KIAA2012: variants seen among roughly 807,000 people sequenced by gnomAD.
KIAA2012 encodes uncharacterized protein KIAA2012.
A neutral mutation model predicts 150.6 loss-of-function variants in KIAA2012; 125 were observed. The observed-to-expected ratio is 0.83, with a 90% CI of 0.72 to 0.96. KIAA2012 has a LOEUF of 0.96. KIAA2012 is among the 40% of genes least tolerant of loss of function. The pLI, the probability that KIAA2012 is intolerant of heterozygous loss-of-function variation, is 0.00. For missense variants in KIAA2012, 1,219 were observed against 1,354.9 expected (o/e 0.90, Z 1.57); for synonymous variants, 462 against 504.7 (o/e 0.92, Z 1.13).
chr2:202,170,844 A>G (rs1344798152), intron 15 of KIAA2012, among the ~76,000 whole-genome samples: 2 of 152,196 alleles, frequency 1.3e-5, no homozygotes. Flanking sequence ...GCACCAGGCT[A>G]TGCATTTTCT....
At chr2:202,145,354 G>A (rs1223419332) in intron 13 of KIAA2012, among the ~76,000 whole-genome samples, 1 of 152,090 alleles carries the variant, frequency 6.6e-6, no homozygotes, top group Non-Finnish European at 1.5e-5. Context: ...TCATCTTCTG[G>A]TTCAACCTTA....
At chr2:202,164,942 C>CTT (rs553724257) in intron 14 of KIAA2012, among the ~76,000 whole-genome samples, 7 of 147,416 alleles carry the variant, frequency 4.7e-5, no homozygotes, top group Admixed American at 2.0e-4. Context: ...CTGGCTTTTT[C>CTT]TTTTTTTTTT....
chr2:202,184,920 T>G, intron 16 of KIAA2012, 77 bp downstream of exon 16: 2 of 1,241,510 alleles, frequency 1.6e-6, no homozygotes, highest in Non-Finnish European at 1.1e-6. Flanking sequence ...TTAGTTTGGT[T>G]TTTTTTCAGA....
At chr2:202,134,327 C>CAAATA (rs1406681893) in intron 12 of KIAA2012, among the ~76,000 whole-genome samples, 1 of 152,046 alleles carries the variant, frequency 6.6e-6, no homozygotes, top group Non-Finnish European at 1.5e-5. Context: ...CCAACAGCTA[C>CAAATA]TGCCCTTGTA....
intron 14 of KIAA2012, among the ~76,000 whole-genome samples, chr2:202,164,309 G>A (rs941592328): frequency 3.9e-5 from 6 of 152,154 alleles, no homozygotes; most frequent in Non-Finnish European, 8.8e-5. Flanking sequence ...CTCAGTCCTG[G>A]CTGCATATCA....
At position 202,102,973 on chromosome 2, in the gene KIAA2012, A is replaced by G; in HGVS notation, c.1183A>G (p.Ile395Val). 3 of 1,550,458 alleles carry G rather than the reference A, an allele frequency of 1.9e-6. No individual in the cohort carries two copies. Among genetic ancestry groups the G allele is most frequent in the Non-Finnish European group, 1.7e-6 (2 of 1,146,946 alleles). Reference sequence around the variant, plus strand: ...ACCAAAGGCTTTGAAATTACCTCCTATCTCAGAAGAACCACCCAGAGTCTT... The same window carrying G: ...ACCAAAGGCTTTGAAATTACCTCCTGTCTCAGAAGAACCACCCAGAGTCTT... ...KAPKALKLPP[I>V]SEEPPRVLEP... Residue 395 changes from isoleucine to valine, a missense_variant, in exon 8 of 24, where the codon ATC becomes GTC. Transcript: ENST00000498697.
At chr2:202,103,190 A>G in intron 8 of KIAA2012, 76 bp downstream of exon 8, 1 of 1,399,540 alleles carries the variant, frequency 7.1e-7, no homozygotes, top group Non-Finnish European at 9.7e-7. Context: ...ATGCTCCTAC[A>G]TCATGGCTGA....
intron 14 of KIAA2012, among the ~76,000 whole-genome samples, chr2:202,161,179 T>C (rs967727948): frequency 6.6e-6 from 1 of 152,170 alleles, no homozygotes; most frequent in Non-Finnish European, 1.5e-5. Context: ...AGGACTTGAG[T>C]GCAGACAGCC....
In KIAA2012 at chr2:202,099,229, A is replaced by G. The variant is rs189452180; in HGVS notation, c.829-384A>G. 1.1e-4 allele frequency among the ~76,000 whole-genome samples: 16 copies of G among 152,264 alleles called. No individual in the cohort carries two copies. In the East Asian group the frequency reaches 3.1e-3, roughly 29 times the overall value. ...GGTCTCAAACTCCTGAGCTCAAGCA[A>G]TCCTCCTGCCTCGGCCTCCCAAAGT... is the stretch of plus-strand genomic sequence containing the variant. On this transcript the variant is annotated intron_variant, in intron 5 of 23. Transcript: ENST00000498697.
At chr2:202,145,125 G>A (rs1017590090) in intron 13 of KIAA2012, among the ~76,000 whole-genome samples, 4 of 151,930 alleles carry the variant, frequency 2.6e-5, no homozygotes, top group African/African-American at 4.8e-5. Context: ...AAGAGAATTC[G>A]CTTCTGCATT....
At chr2:202,193,729 C>T (rs1692360552) in intron 20 of KIAA2012, among the ~76,000 whole-genome samples, 1 of 152,204 alleles carries the variant, frequency 6.6e-6, no homozygotes. Flanking sequence ...GAATGTCACT[C>T]TCTTTCAAGT....
Position 202,109,597 on chromosome 2 carries a change from C to G in KIAA2012, c.1475-16C>G, listed in dbSNP as rs931148676. The G allele has an allele frequency of 2.0e-6, 3 of 1,509,024 alleles. No individual in the cohort carries two copies. The highest frequency in any genetic ancestry group is 8.8e-7 in the Non-Finnish European group (1 of 1,130,620). The allele number at this position is 1,509,024 out of a possible 1,614,324, so 93.5% of individuals were successfully genotyped here. ...CTGTTTTCTCACACAGGCTTTTTCCCCTTTTGTTTTTAAAGATGATGATGC... is the reference window on the plus strand; with the variant it reads ...CTGTTTTCTCACACAGGCTTTTTCCGCTTTTGTTTTTAAAGATGATGATGC... On this transcript the variant is annotated splice_polypyrimidine_tract_variant and intron_variant, in intron 9 of 23. Transcript: ENST00000498697.
At chr2:202,095,251 C>A (rs760194176) in intron 4 of KIAA2012, among the ~76,000 whole-genome samples, 1 of 152,106 alleles carries the variant, frequency 6.6e-6, no homozygotes, top group Non-Finnish European at 1.5e-5. Flanking sequence ...TAACTTGAAC[C>A]CTGACTGATG....
At chr2:202,077,529 T>C (rs1287344753) in intron 2 of KIAA2012, among the ~76,000 whole-genome samples, 5 of 152,182 alleles carry the variant, frequency 3.3e-5, no homozygotes, top group Admixed American at 3.3e-4. Flanking sequence ...ACAGAATATG[T>C]AGTCTAACTC....
chr2:202,183,606 C>T (rs931744672), intron 15 of KIAA2012, among the ~76,000 whole-genome samples: 1 of 151,042 alleles, frequency 6.6e-6, no homozygotes, highest in African/African-American at 2.4e-5. Context: ...CAGGTTCAAG[C>T]TATTCTCTTG....
At chr2:202,125,949 T>C in intron 12 of KIAA2012, 1 of 338,772 alleles carries the variant, frequency 3.0e-6, no homozygotes. Flanking sequence ...TTTTTTTTTT[T>C]TTTTTTTTTT....
chr2:202,080,693 T>A (rs1266491043), intron 2 of KIAA2012, among the ~76,000 whole-genome samples: 12 of 60,384 alleles, frequency 2.0e-4, no homozygotes, highest in African/African-American at 1.6e-4. Context: ...CGAAACTCCG[T>A]CTCAAAAAAA....
chr2:202,102,346 A>T (rs1244415257), intron 7 of KIAA2012, among the ~76,000 whole-genome samples: 1 of 152,180 alleles, frequency 6.6e-6, no homozygotes, highest in African/African-American at 2.4e-5. Flanking sequence ...ACGAGAGGAG[A>T]GTCTACTCTC....
intron 11 of KIAA2012, among the ~76,000 whole-genome samples, chr2:202,121,495 A>T (rs1023365790): frequency 2.6e-5 from 4 of 152,216 alleles, no homozygotes; most frequent in Admixed American, 2.6e-4. Context: ...GATACAATAT[A>T]CTGAATACCT....
Sources: gnomAD v4.1 joint callset for allele counts (sites outside exome capture counted in the v4.1 genomes callset) on GRCh38, gnomAD v4.1.1 for gene constraint, MANE v1.5 for transcripts, NCBI Gene and HGNC (gene_info 2026-07-23, HGNC 2026-07-21) for gene names.